PTPRO: variants seen among roughly 807,000 people sequenced by gnomAD.
PTPRO encodes the protein receptor-type tyrosine-protein phosphatase O.
Under a neutral mutation model 145.2 loss-of-function variants are expected in PTPRO, and 62 were observed. That is an observed-to-expected ratio of 0.43 (90% CI 0.35 to 0.53). PTPRO has a LOEUF of 0.53. Among genes scored for constraint, PTPRO ranks in the 20% least tolerant of loss-of-function variants. The probability of loss-of-function intolerance (pLI) is 0.01; values close to 1 mark genes in which losing one functional copy is unlikely to be tolerated. For missense variants in PTPRO, 1,345 were observed against 1,482.7 expected (o/e 0.91, Z 1.53); for synonymous variants, 565 against 514.7 (o/e 1.10, Z -1.32).
intron 10 of PTPRO, among the ~76,000 whole-genome samples, chr12:15,520,667 T>C (rs1355406077): frequency 1.3e-5 from 2 of 152,284 alleles, no homozygotes; most frequent in East Asian, 3.9e-4. Flanking sequence ...ATTATATTTG[T>C]TAGAGTGCCT....
chr12:15,442,473 A>T (rs1318894497), intron 1 of PTPRO, among the ~76,000 whole-genome samples: 1 of 152,190 alleles, frequency 6.6e-6, no homozygotes, highest in Non-Finnish European at 1.5e-5. Context: ...CCTATTCAAC[A>T]TAGTACTGGA....
At chr12:15,452,748 A>T (rs1369657277) in intron 1 of PTPRO, among the ~76,000 whole-genome samples, 1 of 152,188 alleles carries the variant, frequency 6.6e-6, no homozygotes, top group Non-Finnish European at 1.5e-5. Context: ...AACAAAAAAA[A>T]ATCTTAAAAG....
intron 1 of PTPRO, among the ~76,000 whole-genome samples, chr12:15,471,335 C>T (rs948790788): frequency 1.3e-5 from 2 of 152,102 alleles, no homozygotes; most frequent in South Asian, 2.1e-4. Context: ...AGCCGAGATC[C>T]GGCCACTGCA....
At chr12:15,483,882 C>T in intron 1 of PTPRO, 92 bp from the exon 2 acceptor site, 1 of 1,367,918 alleles carries the variant, frequency 7.3e-7, no homozygotes, top group East Asian at 2.3e-5. Context: ...GTTTATGATA[C>T]ACAACAATAT....
chr12:15,534,284 TA>T (rs113128524), intron 12 of PTPRO, among the ~76,000 whole-genome samples: 1,814 of 151,370 alleles, frequency 0.012, 31 homozygotes, highest in African/African-American at 0.041. Context: ...TTCCCAACCT[TA>T]AAAAAAAGAA....
At chr12:15,383,666 A>G (rs1489677078) in intron 1 of PTPRO, among the ~76,000 whole-genome samples, 2 of 152,190 alleles carry the variant, frequency 1.3e-5, no homozygotes, top group Non-Finnish European at 2.9e-5. Flanking sequence ...ACATATGCAA[A>G]ACATGCATTG....
chr12:15,580,215 C>A, intron 21 of PTPRO, 100 bp downstream of exon 21: 3 of 906,150 alleles, frequency 3.3e-6, no homozygotes, highest in Non-Finnish European at 1.8e-6. Context: ...GAGAGCCTTT[C>A]CCAACCCAGC....
intron 1 of PTPRO, among the ~76,000 whole-genome samples, chr12:15,329,645 C>T (rs1175073844): frequency 6.6e-6 from 1 of 152,146 alleles, no homozygotes; most frequent in Non-Finnish European, 1.5e-5. Context: ...GTTAATCAAA[C>T]ATCCATTAAG....
At chr12:15,379,530 CAAAAAAAAAAAAA>C (rs1211403772) in intron 1 of PTPRO, among the ~76,000 whole-genome samples, 1 of 49,454 alleles carries the variant, frequency 2.0e-5, no homozygotes, top group Admixed American at 2.6e-4. Flanking sequence ...AGCTCCATCT[CAAAAAAAAAAAAA>C]AAAAAAAAAG....
At chr12:15,391,159 A>G (rs1939179909) in intron 1 of PTPRO, among the ~76,000 whole-genome samples, 1 of 152,220 alleles carries the variant, frequency 6.6e-6, no homozygotes. Flanking sequence ...GTAAACATTC[A>G]GTCTATAACA....
At chr12:15,416,492 T>G (rs1591792909) in intron 1 of PTPRO, among the ~76,000 whole-genome samples, 1 of 151,462 alleles carries the variant, frequency 6.6e-6, no homozygotes, top group East Asian at 1.9e-4. Flanking sequence ...GCTAATTTTT[T>G]ATATTTTTAG....
intron 1 of PTPRO, among the ~76,000 whole-genome samples, chr12:15,407,190 A>G (rs774654768): frequency 5.9e-5 from 9 of 152,148 alleles, no homozygotes; most frequent in African/African-American, 1.4e-4. Context: ...TAATGGCAAA[A>G]TTATATTCTG....
intron 2 of PTPRO, 125 bp from the exon 3 acceptor site, chr12:15,497,119 GC>G (rs1188947169): frequency 1.2e-6 from 1 of 842,040 alleles, no homozygotes; most frequent in Non-Finnish European, 2.0e-6. Flanking sequence ...GGAGTTTAGT[GC>G]CCACAGACAG....
chr12:15,583,947 G>C (rs943621114), intron 23 of PTPRO, among the ~76,000 whole-genome samples: 1 of 152,080 alleles, frequency 6.6e-6, no homozygotes, highest in Admixed American at 6.5e-5. Context: ...GTGTTGTTTC[G>C]GTCATTTAAA....
intron 1 of PTPRO, among the ~76,000 whole-genome samples, chr12:15,395,604 A>G (rs1227640247): frequency 6.6e-6 from 1 of 151,884 alleles, no homozygotes; most frequent in African/African-American, 2.4e-5. Context: ...TCTTAATTTT[A>G]TTTTCTTATT....
chr12:15,467,410 G>GTGTGTGTC (rs1491584539), intron 1 of PTPRO, among the ~76,000 whole-genome samples: 2 of 24,968 alleles, frequency 8.0e-5, no homozygotes, highest in African/African-American at 2.2e-4. Flanking sequence ...GTAGGGGTGA[G>GTGTGTGTC]TGTGTGTGTG....
intron 1 of PTPRO, among the ~76,000 whole-genome samples, chr12:15,387,328 C>G (rs1455302843): frequency 6.7e-6 from 1 of 149,318 alleles, no homozygotes; most frequent in Admixed American, 6.8e-5. Flanking sequence ...TGTTAAAAGT[C>G]CAAACTCTTT....
chr12:15,400,921 A>G (rs945714383), intron 1 of PTPRO, among the ~76,000 whole-genome samples: 1 of 152,238 alleles, frequency 6.6e-6, no homozygotes, highest in African/African-American at 2.4e-5. Flanking sequence ...TGCTTATGGT[A>G]TATTTCAGCA....
chr12:15,551,728 A>G (rs1421146707), intron 15 of PTPRO, 57 bp downstream of exon 15: 11 of 1,573,826 alleles, frequency 7.0e-6, no homozygotes, highest in South Asian at 2.2e-5. Flanking sequence ...TTTATCTGCC[A>G]TATATATATT....
Sources: gnomAD v4.1 joint callset for allele counts (sites outside exome capture counted in the v4.1 genomes callset) on GRCh38, gnomAD v4.1.1 for gene constraint, MANE v1.5 for transcripts, NCBI Gene and HGNC (gene_info 2026-07-23, HGNC 2026-07-21) for gene names.